Variants in TRPA1 observed in about 807,000 individuals in gnomAD.
TRPA1 encodes the protein transient receptor potential cation channel subfamily A member 1.
Under a neutral mutation model 131.3 loss-of-function variants are expected in TRPA1, and 129 were observed. The observed-to-expected ratio is 0.98, with a 90% CI of 0.85 to 1.14. TRPA1 has a LOEUF of 1.14. TRPA1 is among the 50% of genes most tolerant of loss of function. The pLI, the probability that TRPA1 is intolerant of heterozygous loss-of-function variation, is 0.00. For missense variants in TRPA1, 1,304 were observed against 1,354.2 expected (o/e 0.96, Z 0.58); for synonymous variants, 441 against 451.7 (o/e 0.98, Z 0.30).
chr8:72,060,400 G>A (rs545990552), intron 7 of TRPA1: 77 of 152,094 alleles, frequency 5.1e-4, no homozygotes, highest in African/African-American at 1.4e-3. Context: ...AGCTACCCAC[G>A]TGATTCTAAT....
chr8:72,059,492 A>G, intron 7 of TRPA1, 54 bp from the exon 8 acceptor site: 3 of 1,082,414 alleles, frequency 2.8e-6, no homozygotes, highest in Non-Finnish European at 4.1e-6. Context: ...ATGTAAATAA[A>G]ATGTATTTAA....
At chr8:72,075,119 T>C (rs1052149538) in intron 1 of TRPA1, among the ~76,000 whole-genome samples, 180 bp downstream of exon 1, 3 of 152,082 alleles carry the variant, frequency 2.0e-5, no homozygotes, top group Admixed American at 1.3e-4. Context: ...GCAAACAAAA[T>C]AGATAAAGCA....
intron 1 of TRPA1, 44 bp downstream of exon 1, chr8:72,075,254 GC>G: frequency 6.7e-7 from 1 of 1,484,314 alleles, no homozygotes. Context: ...GCCGACCCCC[GC>G]CCGCACGTCG....
At chr8:72,083,976 G>T in the TRPA1 span, among the ~76,000 whole-genome samples, 10 of 150,642 alleles carry the variant, frequency 6.6e-5, no homozygotes, top group Non-Finnish European at 1.3e-4. Flanking sequence ...CGAAAGCTGG[G>T]TACTAGTTAA....
At chr8:72,085,435 T>G in the TRPA1 span, among the ~76,000 whole-genome samples, 158 of 100,390 alleles carry the variant, frequency 1.6e-3, 1 homozygote, top group African/African-American at 4.7e-3. Context: ...TAAACTATGT[T>G]TTTAATACAG....
At chr8:72,046,721 A>T in intron 16 of TRPA1, 113 bp from the exon 17 acceptor site, 1 of 622,612 alleles carries the variant, frequency 1.6e-6, no homozygotes, top group South Asian at 2.0e-5. Flanking sequence ...CTGAAAATTA[A>T]GTGATTTGAA....
chr8:72,030,174 C>T (rs188818569), intron 23 of TRPA1, among the ~76,000 whole-genome samples: 17 of 152,230 alleles, frequency 1.1e-4, no homozygotes, highest in Non-Finnish European at 2.5e-4. Context: ...TGGTAAGAAC[C>T]CATTCCTCAT....
At chr8:72,054,260 A>G (rs937489297) in intron 12 of TRPA1, 14 of 260,122 alleles carry the variant, frequency 5.4e-5, no homozygotes, top group Non-Finnish European at 9.7e-5. Flanking sequence ...AAATTTTTTT[A>G]TGAAGTAATG....
intron 1 of TRPA1, among the ~76,000 whole-genome samples, chr8:72,073,152 C>G (rs940184045): frequency 6.6e-6 from 1 of 151,946 alleles, no homozygotes; most frequent in African/African-American, 2.4e-5. Flanking sequence ...CTAACTAAAC[C>G]CTTTAAAACA....
At chr8:72,047,370 T>TA (rs1343194329) in intron 15 of TRPA1, among the ~76,000 whole-genome samples, 163 bp from the exon 16 acceptor site, 5 of 152,078 alleles carry the variant, frequency 3.3e-5, no homozygotes, top group African/African-American at 1.2e-4. Flanking sequence ...GAACAAAGTT[T>TA]AAAATACAAA....
chr8:72,043,114 A>C (rs1391352534), intron 17 of TRPA1, among the ~76,000 whole-genome samples: 1 of 151,858 alleles, frequency 6.6e-6, no homozygotes, highest in Non-Finnish European at 1.5e-5. Context: ...CCTTTAAAAT[A>C]CTGGAACATC....
intron 23 of TRPA1, among the ~76,000 whole-genome samples, chr8:72,032,579 A>T (rs746051348): frequency 2.6e-4 from 39 of 152,332 alleles, no homozygotes; most frequent in Non-Finnish European, 5.1e-4. Context: ...CCAGGTAGAG[A>T]TGCACAGCGG....
rs1805840627 is a variant in TRPA1, at chr8:72,062,899, T to C, written c.707A>G (p.Asn236Ser). Residue 236 changes from asparagine to serine, a missense_variant, in exon 6 of 27, where the codon AAT becomes AGT. Coordinates refer to ENST00000262209, the MANE Select transcript of TRPA1 (RefSeq NM_007332.3). ...YSRQLHINFMNNGKATPLHLA... is the reference protein window; with the variant it reads ...YSRQLHINFMSNGKATPLHLA... ...GTGGAGAGGGGTGGCTTTCCCATTA[T>C]TCATAAAGTTAATGTGCAACTGTCT... The C allele has an allele frequency of 6.2e-7, 1 of 1,613,972 alleles. No homozygotes were observed. The highest frequency in any genetic ancestry group is 2.2e-5 in the East Asian group (1 of 44,864).
In TRPA1 at chr8:72,052,719, A is replaced by G. The variant is rs377262214; in HGVS notation, c.1691T>C (p.Val564Ala). 150 of 1,613,668 alleles carry G rather than the reference A, an allele frequency of 9.3e-5. No homozygotes were observed. The highest frequency in any genetic ancestry group is 1.2e-4 in the Non-Finnish European group (146 of 1,179,866). Residue 564 changes from valine to alanine, a missense_variant, in exon 14 of 27, where the codon GTT becomes GCT. By Grantham distance (64) the Val-to-Ala change is moderately conservative. Coordinates refer to ENST00000262209, the MANE Select transcript of TRPA1 (RefSeq NM_007332.3). ...FAAREGHAKA[V>A]ALLLSHNADI... is the part of the protein sequence containing the mutation. ...AGCATTGTGGCTCAGAAGAAGCGCA[A>G]CGGCTTTGGCGTGGCCTTCCCTTGC...
chr8:72,027,127 T>A (rs369037195), intron 24 of TRPA1, among the ~76,000 whole-genome samples: 2 of 152,216 alleles, frequency 1.3e-5, no homozygotes, highest in East Asian at 1.9e-4. Context: ...TTTAGGGTGA[T>A]ATCACTTTCC....
At chr8:72,079,506 A>G (rs1220040938), upstream of TRPA1, among the ~76,000 whole-genome samples, 3 of 152,002 alleles carry the variant, frequency 2.0e-5, no homozygotes, top group Non-Finnish European at 4.4e-5. Flanking sequence ...TCAAAAATCA[A>G]TTGACTACAA....
In TRPA1 at chr8:72,041,693, C is replaced by T. The variant is rs564316393; in HGVS notation, c.2062-1896G>A. Among the ~76,000 whole-genome samples the T allele has an allele frequency of 2.1e-3, 318 of 151,876 alleles. 1 individual carries two copies. The highest frequency in any genetic ancestry group is 7.1e-3 in the African/African-American group (296 of 41,496). On this transcript the variant is annotated intron_variant, in intron 17 of 26. Transcript: ENST00000262209. ...AATGAAAACATAATATACCAAAATGCATGAGGTACAACTAAAGCAATACTA... is the reference window on the plus strand; with the variant it reads ...AATGAAAACATAATATACCAAAATGTATGAGGTACAACTAAAGCAATACTA...
chr8:72,040,016 C>A (rs1009203990), intron 17 of TRPA1, among the ~76,000 whole-genome samples: 4 of 152,128 alleles, frequency 2.6e-5, no homozygotes, highest in African/African-American at 9.6e-5. Context: ...CAGTCTGTTT[C>A]TTTAGATTTC....
chr8:72,076,551 T>C (rs1344572797), upstream of TRPA1: 1 of 152,468 alleles, frequency 6.6e-6, no homozygotes, highest in Non-Finnish European at 1.5e-5. Context: ...TGGATTGTCG[T>C]ATTCACCTGC....
Sources: allele counts gnomAD v4.1 joint callset (sites outside exome capture counted in the v4.1 genomes callset), GRCh38; gene constraint gnomAD v4.1.1; transcripts MANE v1.5; gene names NCBI Gene and HGNC (gene_info 2026-07-23, HGNC 2026-07-21).